The following SNTG1 variants were observed in gnomAD, a reference collection of about 807,000 sequenced individuals.
The protein encoded by SNTG1 is gamma-1-syntrophin.
In SNTG1, 39 loss-of-function variants were observed where a neutral mutation model predicts 74.7. The observed-to-expected ratio is 0.52, with a 90% CI of 0.40 to 0.68. The LOEUF is 0.68. SNTG1 is among the 30% of genes least tolerant of loss of function. The pLI is 0.00. For missense variants in SNTG1, 685 were observed against 609.5 expected (o/e 1.12, Z -1.30); for synonymous variants, 254 against 217.1 (o/e 1.17, Z -1.49).
At chr8:50,093,007 A>G (rs1407971028) in intron 1 of SNTG1, among the ~76,000 whole-genome samples, 4 of 152,128 alleles carry the variant, frequency 2.6e-5, no homozygotes, top group Non-Finnish European at 5.9e-5. Context: ...TTGAAGGAGA[A>G]TTCTCAAGAG....
intron 4 of SNTG1, among the ~76,000 whole-genome samples, chr8:50,420,896 G>A (rs766420698): frequency 1.1e-4 from 16 of 151,614 alleles, no homozygotes; most frequent in South Asian, 6.3e-4. Flanking sequence ...GTGGTGGCAC[G>A]TGCCTGTGGT....
chr8:50,460,183 G>A (rs1246393607), intron 8 of SNTG1, among the ~76,000 whole-genome samples: 2 of 152,126 alleles, frequency 1.3e-5, no homozygotes, highest in African/African-American at 4.8e-5. Context: ...CATTCTGAAT[G>A]GTGCGAGATG....
chr8:50,240,731 C>T (rs2086128439), intron 2 of SNTG1, among the ~76,000 whole-genome samples: 1 of 152,050 alleles, frequency 6.6e-6, no homozygotes, highest in African/African-American at 2.4e-5. Context: ...TTCCCTCACC[C>T]ATAAGTACTT....
At chr8:50,138,851 C>T (rs1431648485) in intron 1 of SNTG1, among the ~76,000 whole-genome samples, 3 of 151,636 alleles carry the variant, frequency 2.0e-5, no homozygotes, top group Non-Finnish European at 4.4e-5. Context: ...GCATATTTTC[C>T]TAAGCAAATA....
intron 2 of SNTG1, among the ~76,000 whole-genome samples, chr8:50,350,488 C>T (rs926441229): frequency 5.9e-5 from 9 of 151,508 alleles, no homozygotes; most frequent in Non-Finnish European, 1.2e-4. Context: ...CACCAATCAG[C>T]ACCCTGTGTC....
intron 15 of SNTG1, among the ~76,000 whole-genome samples, chr8:50,686,392 A>G (rs1181270032): frequency 1.3e-5 from 2 of 152,220 alleles, no homozygotes; most frequent in African/African-American, 2.4e-5. Context: ...AAATTAAATT[A>G]TAGCCAACTT....
chr8:50,589,320 T>C (rs1387691543), intron 12 of SNTG1, among the ~76,000 whole-genome samples: 1 of 152,104 alleles, frequency 6.6e-6, no homozygotes, highest in Non-Finnish European at 1.5e-5. Context: ...ATTCTGATGG[T>C]CTAGTAAACA....
At chr8:50,285,035 G>A (rs1158030644) in intron 2 of SNTG1, among the ~76,000 whole-genome samples, 2 of 151,896 alleles carry the variant, frequency 1.3e-5, no homozygotes, top group Non-Finnish European at 2.9e-5. Context: ...TATTTCATTT[G>A]TGTGCTTTTA....
intron 15 of SNTG1, among the ~76,000 whole-genome samples, chr8:50,691,473 G>T (rs965518930): frequency 6.6e-6 from 1 of 152,158 alleles, no homozygotes; most frequent in African/African-American, 2.4e-5. Flanking sequence ...GCATTTGTTT[G>T]TCTGTAAAGT....
At chr8:50,379,518 G>C (rs145013658) in intron 2 of SNTG1, among the ~76,000 whole-genome samples, 3 of 152,242 alleles carry the variant, frequency 2.0e-5, no homozygotes, top group South Asian at 2.1e-4. Context: ...CATGTGGGGA[G>C]CTCCCACCCC....
intron 2 of SNTG1, among the ~76,000 whole-genome samples, chr8:50,204,509 A>G (rs1260876830): frequency 6.6e-6 from 1 of 152,186 alleles, no homozygotes; most frequent in Non-Finnish European, 1.5e-5. Context: ...TAGGAATTGC[A>G]TAAATGTAAA....
Position 50,121,042 on chromosome 8 carries a change from T to C in SNTG1, c.-102-51519T>C, listed in dbSNP as rs1014993896. 7.0e-5 allele frequency among the ~76,000 whole-genome samples: 10 copies of C among 142,224 alleles called. 3 individuals carry two copies. The highest frequency in any genetic ancestry group is 1.5e-4 in the Admixed American group (2 of 13,720). 93.3% of individuals were successfully genotyped at this position (142,224 alleles called of 152,430 possible). On this transcript the variant is annotated intron_variant, in intron 1 of 18. Coordinates refer to ENST00000642720, the MANE Select transcript of SNTG1 (RefSeq NM_018967.5). ...ATATCAAGACACTGAAAGGAAAATATTTATTTATTAGATTTATTTTTATTT... is the reference window on the plus strand; with the variant it reads ...ATATCAAGACACTGAAAGGAAAATACTTATTTATTAGATTTATTTTTATTT...
intron 8 of SNTG1, among the ~76,000 whole-genome samples, chr8:50,457,433 A>G: frequency 6.6e-6 from 1 of 152,212 alleles, no homozygotes; most frequent in Non-Finnish European, 1.5e-5. Context: ...CTATCAAAAG[A>G]CAATTTTAAG....
Position 50,356,139 on chromosome 8 carries a change from T to C in SNTG1, c.-27-38073T>C, listed in dbSNP as rs1451406095. 2.6e-5 allele frequency among the ~76,000 whole-genome samples: 4 copies of C among 152,204 alleles called. No individual in the cohort carries two copies. The East Asian group carries it at 5.8e-4, about 22-fold the overall frequency. On this transcript the variant is annotated intron_variant, in intron 2 of 18. Coordinates refer to ENST00000642720, the MANE Select transcript of SNTG1 (RefSeq NM_018967.5). ...GCAGTTTTAACTCGGTGGGTTTGTT[T>C]TTTTCAATACATTTATGTCAGTGGG...
At chr8:50,210,736 A>G (rs1178136125) in intron 2 of SNTG1, among the ~76,000 whole-genome samples, 2 of 152,214 alleles carry the variant, frequency 1.3e-5, no homozygotes, top group Non-Finnish European at 2.9e-5. Flanking sequence ...TAAAACTTAA[A>G]GGATTTTCAC....
chr8:50,556,647 T>A (rs2094457153), intron 12 of SNTG1, among the ~76,000 whole-genome samples: 1 of 152,208 alleles, frequency 6.6e-6, no homozygotes, highest in Non-Finnish European at 1.5e-5. Context: ...GGGTGAAGTT[T>A]TTGGGAACCT....
intron 1 of SNTG1, among the ~76,000 whole-genome samples, chr8:49,973,695 T>C (rs1322046927): frequency 6.6e-6 from 1 of 152,182 alleles, no homozygotes; most frequent in Non-Finnish European, 1.5e-5. Flanking sequence ...GTATTCCTGT[T>C]CATTTGGCAT....
At chr8:50,576,138 T>TC (rs1244659461) in intron 12 of SNTG1, among the ~76,000 whole-genome samples, 1 of 152,190 alleles carries the variant, frequency 6.6e-6, no homozygotes, top group Admixed American at 6.5e-5. Flanking sequence ...TATGCTCAGG[T>TC]CTTTGGGTTA....
intron 5 of SNTG1, among the ~76,000 whole-genome samples, chr8:50,442,279 T>A (rs1037453899): frequency 2.0e-5 from 3 of 152,156 alleles, no homozygotes; most frequent in Non-Finnish European, 4.4e-5. Flanking sequence ...TGTAGAAGGA[T>A]CAAATGAGTA....
Sources: gnomAD v4.1 joint callset for allele counts (sites outside exome capture counted in the v4.1 genomes callset) on GRCh38, gnomAD v4.1.1 for gene constraint, MANE v1.5 for transcripts, NCBI Gene and HGNC (gene_info 2026-07-23, HGNC 2026-07-21) for gene names.